Variants in TTBK2 observed in about 807,000 individuals in gnomAD.
The protein encoded by TTBK2 is tau-tubulin kinase 2.
TTBK2 carries 28 observed loss-of-function variants against 110.8 expected under a neutral mutation model. That is an observed-to-expected ratio of 0.25 (90% CI 0.19 to 0.35). The LOEUF is 0.35. Ranked by LOEUF, TTBK2 falls within the 10% of genes least tolerant of loss-of-function variation. TTBK2 has a pLI of 1.00. For synonymous variants in TTBK2, 532 were observed against 527.3 expected, an observed-to-expected ratio of 1.01 and a Z score of -0.12; for missense variants, 1,369 against 1,500.3, an observed-to-expected ratio of 0.91 and a Z score of 1.45.
chr15:42,904,858 C>A (rs1477664003), intron 1 of TTBK2, among the ~76,000 whole-genome samples: 1 of 151,788 alleles, frequency 6.6e-6, no homozygotes, highest in Admixed American at 6.6e-5. Flanking sequence ...CAAAATGAGA[C>A]ATCAAACTGT....
intron 13 of TTBK2, among the ~76,000 whole-genome samples, chr15:42,763,171 TATATATATATATATATATATA>T (rs1364054180): frequency 1.1e-3 from 18 of 16,368 alleles, no homozygotes; most frequent in Non-Finnish European, 1.9e-3. Flanking sequence ...TATATATATA[TATATATATATATATATATATA>T]TTTTTTTTTT....
At chr15:42,778,343 C>T (rs562109235) in intron 11 of TTBK2, among the ~76,000 whole-genome samples, 1 of 143,766 alleles carries the variant, frequency 7.0e-6, no homozygotes, top group African/African-American at 2.6e-5. Context: ...AAGTGGAAGA[C>T]ACAGCCAAAG....
chr15:42,773,448 A>G (rs1889764892), intron 13 of TTBK2, among the ~76,000 whole-genome samples: 1 of 7,158 alleles, frequency 1.4e-4, no homozygotes, highest in Admixed American at 7.6e-4. Flanking sequence ...GTAAAGAAAG[A>G]AAGAAAGAAA....
chr15:42,798,653 G>C (rs1277051758), intron 9 of TTBK2, among the ~76,000 whole-genome samples: 1 of 152,186 alleles, frequency 6.6e-6, no homozygotes, highest in Non-Finnish European at 1.5e-5. Flanking sequence ...TAAATCAGGA[G>C]AATACAAAGA....
At chr15:42,843,711 A>G (rs1316881909) in intron 3 of TTBK2, among the ~76,000 whole-genome samples, 1 of 137,704 alleles carries the variant, frequency 7.3e-6, no homozygotes, top group Non-Finnish European at 1.5e-5. Flanking sequence ...GTGAGCCAAG[A>G]TTGCGCCGCT....
At chr15:42,760,384 C>CAA (rs3036888) in intron 13 of TTBK2, among the ~76,000 whole-genome samples, 8 of 89,144 alleles carry the variant, frequency 9.0e-5, no homozygotes, top group African/African-American at 2.0e-4. Flanking sequence ...GACTCCATCT[C>CAA]AAAAAAAAAA....
At chr15:42,791,388 T>A (rs1241828808) in intron 10 of TTBK2, among the ~76,000 whole-genome samples, 3 of 152,220 alleles carry the variant, frequency 2.0e-5, no homozygotes, top group Non-Finnish European at 4.4e-5. Flanking sequence ...TTGTTTTTCT[T>A]CTTCAGGGAC....
At chr15:42,780,183 G>A (rs1367986069) in intron 11 of TTBK2, among the ~76,000 whole-genome samples, 4 of 140,670 alleles carry the variant, frequency 2.8e-5, no homozygotes, top group South Asian at 2.3e-4. Context: ...CAACATGCCC[G>A]GCTAACTTTT....
chr15:42,918,611 C>A (rs1188391956), intron 1 of TTBK2, among the ~76,000 whole-genome samples: 6 of 152,164 alleles, frequency 3.9e-5, no homozygotes, highest in African/African-American at 1.2e-4. Context: ...AATAACTTAT[C>A]ATTGCCACAT....
chr15:42,916,999 A>G (rs2031115748), intron 1 of TTBK2, among the ~76,000 whole-genome samples: 1 of 152,344 alleles, frequency 6.6e-6, no homozygotes, highest in South Asian at 2.1e-4. Context: ...TAAAAAAATA[A>G]TGATTCTGAA....
At chr15:42,898,154 GACAA>G (rs1427255013) in intron 1 of TTBK2, among the ~76,000 whole-genome samples, 1 of 152,248 alleles carries the variant, frequency 6.6e-6, no homozygotes, top group African/African-American at 2.4e-5. Flanking sequence ...GTAAGGGGAT[GACAA>G]ACAACTCCTC....
intron 1 of TTBK2, among the ~76,000 whole-genome samples, chr15:42,889,087 T>C (rs947730283): frequency 6.6e-6 from 1 of 152,152 alleles, no homozygotes; most frequent in African/African-American, 2.4e-5. Flanking sequence ...TCTTAGAACC[T>C]CTCATTTCCT....
intron 9 of TTBK2, chr15:42,798,279 G>T (rs1248841163): frequency 2.2e-6 from 1 of 456,040 alleles, no homozygotes; most frequent in Admixed American, 2.4e-5. Context: ...AACTGGAAAG[G>T]GAGAAGGGAA....
At chr15:42,844,060 C>A (rs1893351845) in intron 3 of TTBK2, among the ~76,000 whole-genome samples, 1 of 152,116 alleles carries the variant, frequency 6.6e-6, no homozygotes, top group Non-Finnish European at 1.5e-5. Flanking sequence ...TATCACACAT[C>A]ATCCTCAATG....
chr15:42,867,331 A>C (rs750183762), intron 3 of TTBK2, among the ~76,000 whole-genome samples: 1 of 152,022 alleles, frequency 6.6e-6, no homozygotes, highest in Non-Finnish European at 1.5e-5. Context: ...GAAAACAGAA[A>C]GCAAATTAAA....
At chr15:42,861,283 C>T (rs553720635) in intron 3 of TTBK2, among the ~76,000 whole-genome samples, 2 of 152,182 alleles carry the variant, frequency 1.3e-5, no homozygotes, top group South Asian at 4.1e-4. Context: ...AATACTCCAC[C>T]CAATAACCAC....
At chr15:42,815,927 T>TTAAAAAAA (rs1891940684) in intron 7 of TTBK2, among the ~76,000 whole-genome samples, 1 of 52,452 alleles carries the variant, frequency 1.9e-5, no homozygotes, top group African/African-American at 1.5e-4. Flanking sequence ...TATATATATT[T>TTAAAAAAA]AAAAATATAT....
chr15:42,770,128 G>C (rs2140725799), intron 13 of TTBK2, among the ~76,000 whole-genome samples: 1 of 151,614 alleles, frequency 6.6e-6, no homozygotes, highest in African/African-American at 2.4e-5. Context: ...GGGAGGGATA[G>C]CAGAAATACC....
At chr15:42,792,587 T>A (rs1428316010) in intron 10 of TTBK2, among the ~76,000 whole-genome samples, 2 of 152,210 alleles carry the variant, frequency 1.3e-5, no homozygotes, top group African/African-American at 2.4e-5. Context: ...TTATTTATTT[T>A]TTGGGATCGA....
Sources: gnomAD v4.1 joint callset for allele counts (sites outside exome capture counted in the v4.1 genomes callset) on GRCh38, gnomAD v4.1.1 for gene constraint, MANE v1.5 for transcripts, NCBI Gene and HGNC (gene_info 2026-07-23, HGNC 2026-07-21) for gene names.